The following GLB1L2 variants were observed in gnomAD, a reference collection of about 807,000 sequenced individuals.
GLB1L2 encodes the protein galactosidase beta 1 like 2, also known as beta-galactosidase-1-like protein 2.
Under a neutral mutation model 84.1 loss-of-function variants are expected in GLB1L2, and 68 were observed. The observed-to-expected ratio is 0.81, with a 90% CI of 0.67 to 0.99. The LOEUF (loss-of-function observed/expected upper bound fraction) is 0.99. GLB1L2 is among the 50% of genes least tolerant of loss of function. GLB1L2 has a pLI of 0.00. For synonymous variants in GLB1L2, 290 were observed against 318.0 expected, an observed-to-expected ratio of 0.91 and a Z score of 0.94; for missense variants, 762 against 805.6, an observed-to-expected ratio of 0.95 and a Z score of 0.66.
intron 7 of GLB1L2, chr11:134,359,586 C>A (rs777928716): frequency 1.9e-5 from 3 of 155,498 alleles, no homozygotes; most frequent in African/African-American, 7.2e-5. Flanking sequence ...GCTAGCAGCA[C>A]CCCTGGCCTG....
chr11:134,357,539 C>T (rs1201437695), intron 6 of GLB1L2, among the ~76,000 whole-genome samples: 1 of 152,268 alleles, frequency 6.6e-6, no homozygotes, highest in Non-Finnish European at 1.5e-5. Context: ...ATACCCCATT[C>T]CCGCAGACTG....
intron 8 of GLB1L2, among the ~76,000 whole-genome samples, chr11:134,366,297 G>A (rs908333833): frequency 2.6e-5 from 4 of 152,230 alleles, no homozygotes; most frequent in African/African-American, 9.6e-5. Context: ...AAACCAAGCC[G>A]CCAGTCTTGC....
rs1389923625 is a variant in GLB1L2, at chr11:134,338,179, T to C, written c.87-4575T>C. On this transcript the variant is annotated intron_variant, in intron 1 of 18. Transcript: ENST00000535456. This position sits in a 1 kb window ranked among gnomAD's most constrained non-coding sequence, Gnocchi z 6.2. ...GGTTGCATGGATCCTGGCCTATCTG[T>C]GTCTGGTCATACTCTGCATGGCAGA... Among the ~76,000 whole-genome samples the C allele has an allele frequency of 6.6e-6, 1 of 152,144 alleles. No homozygotes were observed. The highest frequency in any genetic ancestry group is 6.5e-5 in the Admixed American group (1 of 15,280).
chr11:134,366,898 A>G (rs961561539), intron 8 of GLB1L2, among the ~76,000 whole-genome samples: 8 of 152,264 alleles, frequency 5.3e-5, no homozygotes, highest in African/African-American at 1.9e-4. Context: ...TCAGATATGG[A>G]GTTGTCCTGG....
Position 134,374,332 on chromosome 11 carries a change from G to A in GLB1L2, c.1707+76G>A, listed in dbSNP as rs1039248031. ...GGAGGGCTCTGAGCCAAAGCCACGA[G>A]CTTGGCGAGAGTCGTTGGTGGCTTC... On this transcript the variant is annotated intron_variant, in intron 17 of 18. Transcript: ENST00000535456. The A allele has an allele frequency of 8.9e-6, 11 of 1,230,444 alleles. No homozygotes were observed. The Admixed American group carries it at 1.4e-4, about 15-fold the overall frequency. 76.2% of individuals were successfully genotyped at this position (1,230,444 alleles called of 1,614,324 possible).
chr11:134,347,905 C>T lies in GLB1L2; in HGVS notation c.558+472C>T, dbSNP rs918470719. 3.9e-5 allele frequency among the ~76,000 whole-genome samples: 6 copies of T among 152,192 alleles called. No individual in the cohort carries two copies. The East Asian group carries it at 5.8e-4, about 15-fold the overall frequency. On this transcript the variant is annotated intron_variant, in intron 5 of 18. Coordinates refer to ENST00000535456, the MANE Select transcript of GLB1L2 (RefSeq NM_001370461.1). Reference sequence around the variant, plus strand: ...TTTTTATAAATTATAAAATTCCTTTCGCTGACTTTACGAGATACTTCCCTC... The same window carrying T: ...TTTTTATAAATTATAAAATTCCTTTTGCTGACTTTACGAGATACTTCCCTC...
Position 134,375,081 on chromosome 11 carries a change from G to T in GLB1L2, c.*23G>T. Reference sequence around the variant, plus strand: ...TGAGCGGTGGCACCCCCTCCTGCTGGTGCCAGTGGGAGACTGCCGCCTCCT... The same window carrying T: ...TGAGCGGTGGCACCCCCTCCTGCTGTTGCCAGTGGGAGACTGCCGCCTCCT... On this transcript the variant is annotated 3_prime_UTR_variant, in exon 19 of 19. Transcript: ENST00000535456. 1.2e-6 allele frequency: 2 copies of T among 1,602,104 alleles called. No individual in the cohort carries two copies. The highest frequency in any genetic ancestry group is 1.7e-6 in the Non-Finnish European group (2 of 1,171,508).
rs776036302 is a variant in GLB1L2, at chr11:134,342,785, C to G, written c.118C>G (p.Leu40Val). 1.2e-6 allele frequency: 2 copies of G among 1,613,996 alleles called. No homozygotes were observed. Among genetic ancestry groups the G allele is most frequent in the Non-Finnish European group, 1.7e-6 (2 of 1,180,006 alleles). The change falls in exon 2 of 19, where the codon CTC (leucine) becomes GTC (valine). Residue 40 changes from leucine (L) to valine (V), a missense_variant. Leu to Val is a conservative substitution (Grantham distance 32, BLOSUM62 1). Transcript: ENST00000535456. ...CTGGAGCACCCTGGTCCCTCTGCGGCTCCGCCATCGACAGCTGGGGCTGCA... is the reference window on the plus strand; with the variant it reads ...CTGGAGCACCCTGGTCCCTCTGCGGGTCCGCCATCGACAGCTGGGGCTGCA... ...LDWSTLVPLR[L>V]RHRQLGLQAK...
chr11:134,347,217 T>C, intron 4 of GLB1L2, 108 bp from the exon 5 acceptor site: 3 of 827,194 alleles, frequency 3.6e-6, no homozygotes, highest in Non-Finnish European at 6.4e-6. Context: ...AGGGCACAGG[T>C]CATTCTGGAG....
intron 4 of GLB1L2, chr11:134,346,971 C>A (rs11223765): frequency 0.13 from 31,128 of 238,970 alleles, 2,478 homozygotes; most frequent in Middle Eastern, 0.17. Context: ...TGATTCCTAA[C>A]CCTTTTGACT....
intron 1 of GLB1L2, among the ~76,000 whole-genome samples, chr11:134,335,839 G>A (rs1264367044): frequency 6.6e-6 from 1 of 152,184 alleles, no homozygotes; most frequent in Non-Finnish European, 1.5e-5. Context: ...AGCTTGCGGA[G>A]AAAGGTTTGA....
At chr11:134,349,897 G>C (rs1943602775) in intron 5 of GLB1L2, among the ~76,000 whole-genome samples, 1 of 152,184 alleles carries the variant, frequency 6.6e-6, no homozygotes, top group Admixed American at 6.5e-5. Flanking sequence ...TTGGCTCAGG[G>C]TATGTCTAGA....
chr11:134,351,003 A>G (rs1297236034), intron 5 of GLB1L2, among the ~76,000 whole-genome samples: 1 of 152,148 alleles, frequency 6.6e-6, no homozygotes, highest in Non-Finnish European at 1.5e-5. Flanking sequence ...CTTCCTTTCC[A>G]ACTTGGTTGC....
At chr11:134,349,449 A>G (rs771891068) in intron 5 of GLB1L2, among the ~76,000 whole-genome samples, 11 of 152,224 alleles carry the variant, frequency 7.2e-5, no homozygotes, top group Non-Finnish European at 1.3e-4. Flanking sequence ...TCTTTTGGGT[A>G]TATACCTAGA....
rs185389244 is a variant in GLB1L2 at position 134,347,267 on chromosome 11, C to G, written c.450-58C>G. 12 of 1,309,080 alleles carry G rather than the reference C, an allele frequency of 9.2e-6. No individual in the cohort carries two copies. The South Asian group carries it at 1.4e-4, about 15-fold the overall frequency. The allele number at this position is 1,309,080 out of a possible 1,614,324, so 81.1% of individuals were successfully genotyped here. A position where few individuals can be genotyped will look rare whatever the true frequency, so the allele number is the denominator to read the frequency against. On this transcript the variant is annotated intron_variant, in intron 4 of 18. Transcript: ENST00000535456. ...TCCCTTCTCACGCATCAACAGCCTG[C>G]TCACAGCAAACCCACTGTGACACTA...
At chr11:134,332,424 G>A (rs923629492) in intron 1 of GLB1L2, among the ~76,000 whole-genome samples, 4 of 152,020 alleles carry the variant, frequency 2.6e-5, no homozygotes, top group Admixed American at 6.5e-5. Context: ...TGTGACGCCG[G>A]GCTCTGCCCC....
intron 7 of GLB1L2, among the ~76,000 whole-genome samples, chr11:134,363,063 C>G (rs1324036528): frequency 3.3e-5 from 5 of 152,120 alleles, no homozygotes; most frequent in Non-Finnish European, 7.4e-5. Flanking sequence ...TTCACTTAGC[C>G]CTGTGCATCC....
At position 134,338,729 on chromosome 11, in the gene GLB1L2, G is replaced by A. The variant is rs192498853; in HGVS notation, c.87-4025G>A. ...CTGCAGCTTGCCCAGCCTTCAGCAC[G>A]AATAGTGCATGCCCCTTTTCCACTT... On this transcript the variant is annotated intron_variant, in intron 1 of 18. Coordinates refer to ENST00000535456, the MANE Select transcript of GLB1L2 (RefSeq NM_001370461.1). This position sits in a 1 kb window ranked among gnomAD's most constrained non-coding sequence, Gnocchi z 6.2. 7.9e-5 allele frequency among the ~76,000 whole-genome samples: 12 copies of A among 152,284 alleles called. No individual in the cohort carries two copies. In the East Asian group the frequency reaches 1.4e-3, roughly 17 times the overall value.
intron 16 of GLB1L2, 118 bp from the exon 17 acceptor site, chr11:134,374,027 G>T: frequency 1.2e-6 from 1 of 810,898 alleles, no homozygotes; most frequent in East Asian, 2.4e-5. Context: ...TCTGTGTCCT[G>T]GTTAAGAGGC....
Sources: allele counts gnomAD v4.1 joint callset (sites outside exome capture counted in the v4.1 genomes callset), GRCh38; gene constraint gnomAD v4.1.1; non-coding constraint Gnocchi (gnomAD v3.1); transcripts MANE v1.5; gene names NCBI Gene and HGNC (gene_info 2026-07-23, HGNC 2026-07-21).